The following SERINC3 variants were observed in gnomAD, a reference collection of about 807,000 sequenced individuals.
The protein encoded by SERINC3 is serine incorporator 3.
Under a neutral mutation model 52.1 loss-of-function variants are expected in SERINC3, and 22 were observed. That is an observed-to-expected ratio of 0.42 (90% CI 0.30 to 0.60). The LOEUF (loss-of-function observed/expected upper bound fraction) is 0.60. Ranked by LOEUF, SERINC3 falls within the 20% of genes least tolerant of loss-of-function variation. The pLI is 0.16. For missense variants in SERINC3, 564 were observed against 584.6 expected, an observed-to-expected ratio of 0.96 and a Z score of 0.36; for synonymous variants, 226 against 212.7, an observed-to-expected ratio of 1.06 and a Z score of -0.54.
chr20:44,508,806 A>G (rs139803142), intron 5 of SERINC3, among the ~76,000 whole-genome samples: 2 of 152,392 alleles, frequency 1.3e-5, no homozygotes, highest in African/African-American at 4.8e-5. Flanking sequence ...AGCAAGGTGA[A>G]TGCATAAATA....
chr20:44,518,517 T>C (rs2064395039), intron 1 of SERINC3, among the ~76,000 whole-genome samples: 1 of 152,088 alleles, frequency 6.6e-6, no homozygotes. Context: ...TTTAAGATCA[T>C]GAAGAAGCTG....
chr20:44,510,810 A>AATAT (rs561439114), intron 4 of SERINC3, among the ~76,000 whole-genome samples: 9 of 149,400 alleles, frequency 6.0e-5, no homozygotes, highest in Admixed American at 2.0e-4. Flanking sequence ...GACTGTCTAA[A>AATAT]ATATATATAT....
chr20:44,514,871 A>C (rs2064370292), intron 1 of SERINC3, among the ~76,000 whole-genome samples: 1 of 152,250 alleles, frequency 6.6e-6, no homozygotes, highest in Non-Finnish European at 1.5e-5. Flanking sequence ...GGTTCCTCAG[A>C]AAGTTAAATA....
intron 1 of SERINC3, among the ~76,000 whole-genome samples, chr20:44,515,592 G>A (rs1005024258): frequency 3.3e-5 from 5 of 152,048 alleles, no homozygotes; most frequent in Non-Finnish European, 5.9e-5. Flanking sequence ...TTAGGGCGAC[G>A]AACTAGACAG....
intron 1 of SERINC3, among the ~76,000 whole-genome samples, chr20:44,514,485 C>T (rs752891533): frequency 6.6e-6 from 1 of 152,128 alleles, no homozygotes; most frequent in East Asian, 1.9e-4. Context: ...ACATGCCGGG[C>T]GTGGTGGCTC....
At chr20:44,501,403 T>C (rs930792286) in intron 8 of SERINC3, 103 bp from the exon 9 acceptor site, 2 of 909,556 alleles carry the variant, frequency 2.2e-6, no homozygotes, top group Non-Finnish European at 3.5e-6. Context: ...TGTTCCTACT[T>C]TGGAGACTGA....
chr20:44,508,955 T>C (rs1244786320), intron 5 of SERINC3, among the ~76,000 whole-genome samples: 1 of 152,244 alleles, frequency 6.6e-6, no homozygotes, highest in Non-Finnish European at 1.5e-5. Flanking sequence ...CATGTAAATA[T>C]TTTAAAAAAC....
intron 5 of SERINC3, among the ~76,000 whole-genome samples, chr20:44,507,587 T>C (rs376749407): frequency 2.0e-5 from 3 of 152,228 alleles, no homozygotes; most frequent in Admixed American, 2.0e-4. Flanking sequence ...ATTAGCTGTG[T>C]TGGCTGAACA....
intron 1 of SERINC3, among the ~76,000 whole-genome samples, chr20:44,520,669 G>C (rs2064410833): frequency 6.6e-6 from 1 of 152,118 alleles, no homozygotes; most frequent in African/African-American, 2.4e-5. Context: ...TTCACTGTTT[G>C]GGCAACGGAA....
At chr20:44,508,872 T>C (rs2064330793) in intron 5 of SERINC3, among the ~76,000 whole-genome samples, 1 of 152,356 alleles carries the variant, frequency 6.6e-6, no homozygotes, top group East Asian at 1.9e-4. Flanking sequence ...TGCAGATAGG[T>C]GGAGATTTGC....
intron 5 of SERINC3, among the ~76,000 whole-genome samples, chr20:44,508,083 G>GT (rs1207269438): frequency 6.6e-6 from 1 of 152,188 alleles, no homozygotes; most frequent in African/African-American, 2.4e-5. Context: ...CACACTTAAT[G>GT]TTTTCACCTC....
At chr20:44,500,973 T>C in intron 9 of SERINC3, 100 bp downstream of exon 9, 1 of 789,844 alleles carries the variant, frequency 1.3e-6, no homozygotes, top group South Asian at 1.7e-5. Context: ...CTTCATTATA[T>C]GGGTAAGAGC....
intron 5 of SERINC3, 41 bp downstream of exon 5, chr20:44,509,850 A>G (rs1263726018): frequency 1.9e-6 from 3 of 1,603,724 alleles, no homozygotes; most frequent in Admixed American, 3.3e-5. Flanking sequence ...ACCGTGCTTA[A>G]TGTAGCAGTA....
chr20:44,515,327 C>G (rs1339533087), intron 1 of SERINC3, among the ~76,000 whole-genome samples: 1 of 152,192 alleles, frequency 6.6e-6, no homozygotes, highest in Admixed American at 6.5e-5. Flanking sequence ...GCACTCCAGC[C>G]TGGGCAACAG....
intron 3 of SERINC3, 119 bp from the exon 4 acceptor site, chr20:44,511,487 G>A: frequency 3.1e-6 from 2 of 654,222 alleles, no homozygotes; most frequent in South Asian, 2.0e-5. Flanking sequence ...ATGATTGTCT[G>A]GACTATTTTC....
In SERINC3 at chr20:44,506,885, C is replaced by T; in HGVS notation, c.725G>A (p.Ser242Asn). 6.2e-7 allele frequency: 1 copy of T among 1,613,466 alleles called. No individual in the cohort carries two copies. The highest frequency in any genetic ancestry group is 1.3e-5 in the African/African-American group (1 of 74,984). The change falls in exon 6 of 10, where the codon AGT becomes AAT. Residue 242 changes from serine to asparagine, a missense_variant. Transcript: ENST00000342374. ...CACAACGCAAAGGATCAGGTTAATACTGATGAAGAACTTGTTTTCTGTGCA... is the reference window on the plus strand; with the variant it reads ...CACAACGCAAAGGATCAGGTTAATATTGATGAAGAACTTGTTTTCTGTGCA... The part of the protein sequence containing the change: ...DGCTENKFFI[S>N]INLILCVVAS...
At chr20:44,511,676 A>G (rs1568788735) in intron 3 of SERINC3, among the ~76,000 whole-genome samples, 4 of 152,334 alleles carry the variant, frequency 2.6e-5, no homozygotes, top group South Asian at 4.1e-4. Context: ...GAGTTCTAAA[A>G]TAACAGTGTT....
chr20:44,514,186 G>A (rs902674140), intron 1 of SERINC3, 146 bp from the exon 2 acceptor site: 8 of 780,630 alleles, frequency 1.0e-5, no homozygotes, highest in South Asian at 6.6e-5. Context: ...TTAAAAGTAC[G>A]GGCTCTGGAG....
intron 2 of SERINC3, 120 bp downstream of exon 2, chr20:44,513,759 T>A: frequency 1.2e-6 from 1 of 811,886 alleles, no homozygotes; most frequent in Non-Finnish European, 1.8e-6. Flanking sequence ...CACACCCCCA[T>A]ATAAGTAAAA....
Sources: gnomAD v4.1 joint callset for allele counts (sites outside exome capture counted in the v4.1 genomes callset) on GRCh38, gnomAD v4.1.1 for gene constraint, MANE v1.5 for transcripts, NCBI Gene and HGNC (gene_info 2026-07-23, HGNC 2026-07-21) for gene names.